The following SLC4A11 variants were observed in gnomAD, a reference collection of about 807,000 sequenced individuals.
The protein encoded by SLC4A11 is solute carrier family 4 member 11.
A neutral mutation model predicts 95.0 loss-of-function variants in SLC4A11; 74 were observed. That is an observed-to-expected ratio of 0.78 (90% confidence interval 0.65 to 0.95). The LOEUF (loss-of-function observed/expected upper bound fraction) is 0.95. Ranked by LOEUF, SLC4A11 falls within the 40% of genes least tolerant of loss-of-function variation. The pLI, the probability that SLC4A11 is intolerant of heterozygous loss-of-function variation, is 0.00. For synonymous variants in SLC4A11, 548 were observed against 519.0 expected (o/e 1.06, Z -0.76); for missense variants, 1,081 against 1,192.4 (o/e 0.91, Z 1.38).
At chr20:3,238,795 G>A in intron 1 of SLC4A11, 1 of 1,146,942 alleles carries the variant, frequency 8.7e-7, no homozygotes, top group Non-Finnish European at 1.1e-6. Flanking sequence ...GCTCCGCCCT[G>A]CCCACTTTCG....
Position 3,230,657 on chromosome 20 carries a change from G to GA in SLC4A11, c.1283-11_1283-10insT, listed in dbSNP as rs1439726919. ...CAGATGACACGAATCACTGCAGGCA[G>GA]GGGGCAGGGCGGGTCAGGGCCCGGC... On this transcript the variant is annotated splice_polypyrimidine_tract_variant and intron_variant, in intron 11 of 19. Transcript: ENST00000642402. The GA allele has an allele frequency of 1.2e-6, 2 of 1,613,140 alleles. No homozygotes were observed. Among genetic ancestry groups the GA allele is most frequent in the Non-Finnish European group, 1.7e-6 (2 of 1,179,850 alleles).
At position 3,234,855 on chromosome 20, in the gene SLC4A11, C is replaced by G; in HGVS notation, c.128G>C (p.Arg43Pro). 1 of 1,614,030 alleles carries G rather than the reference C, an allele frequency of 6.2e-7. No individual in the cohort carries two copies. The highest frequency in any genetic ancestry group is 8.5e-7 in the Non-Finnish European group (1 of 1,180,018). The change falls in exon 3 of 20, where the codon CGA (arginine) becomes CCA (proline). Residue 43 changes from arginine (R) to proline (P), a missense_variant. Physicochemically the swap from Arg to Pro is moderately radical, Grantham distance 103. Around this residue, in one of 3 missense-constraint regions of SLC4A11, gnomAD observed 310 missense variants for 313.5 expected, o/e 0.99. Coordinates refer to ENST00000642402, the MANE Select transcript of SLC4A11 (RefSeq NM_001174089.2). This position sits in a 1 kb window ranked among gnomAD's most constrained non-coding sequence, Gnocchi z 5.8. ...KCDTDDTFEA[R>P]EEILGDEAFD... ...GGCCTCATCCCCCAGGATCTCCTCT[C>G]GGGCTTCGAAGGTGTCATCTGTGTC...
At chr20:3,228,794 C>G (rs777817044) in intron 17 of SLC4A11, 44 bp downstream of exon 17, 6 of 1,613,162 alleles carry the variant, frequency 3.7e-6, no homozygotes, top group Non-Finnish European at 5.1e-6. Flanking sequence ...GCCAGAGGCT[C>G]CCCACTCCTC....
Position 3,233,964 on chromosome 20 carries a change from T to C in SLC4A11, c.562A>G (p.Thr188Ala). ...TGCTGGTACCGCACCCCTGTCACTG[T>C]GGCGGTGACCCCTTGGATGGTATCT... ...LSDTIQGVTA[T>A]VTGVRYQQSW... Residue 188 changes from threonine to alanine, a missense_variant, in exon 6 of 20, where the codon ACA becomes GCA. Thr to Ala is a moderately conservative substitution (Grantham distance 58). Transcript: ENST00000642402. 6.2e-7 allele frequency: 1 copy of C among 1,613,456 alleles called. No individual in the cohort carries two copies.
In SLC4A11 at chr20:3,239,188, T is replaced by C; in HGVS notation, c.-51A>G. On this transcript the variant is annotated 5_prime_UTR_variant, in exon 1 of 20. Coordinates refer to ENST00000642402, the MANE Select transcript of SLC4A11 (RefSeq NM_001174089.2). The stretch of plus-strand genomic sequence containing the variant: ...GCTCCTCACGCGGCGCTCCGGCGCT[T>C]CTGGACCCCAAACTCGGCGACTCGG... 1 of 1,399,384 alleles carries C rather than the reference T, an allele frequency of 7.1e-7. No individual in the cohort carries two copies. Among genetic ancestry groups the C allele is most frequent in the South Asian group, 1.5e-5 (1 of 65,856 alleles). The allele number at this position is 1,399,384 out of a possible 1,614,324, so 86.7% of individuals were successfully genotyped here. A position where few individuals can be genotyped will look rare whatever the true frequency, so the allele number is the denominator to read the frequency against.
intron 1 of SLC4A11, 97 bp from the exon 2 acceptor site, chr20:3,237,685 C>T (rs371461404): frequency 2.5e-6 from 4 of 1,613,984 alleles, no homozygotes; most frequent in Admixed American, 1.7e-5. Flanking sequence ...CTCATTCCTT[C>T]GCTCTTCCGA....
chr20:3,237,522 A>G, intron 2 of SLC4A11, 22 bp downstream of exon 2: 1 of 1,612,530 alleles, frequency 6.2e-7, no homozygotes, highest in Non-Finnish European at 8.5e-7. Flanking sequence ...CTGCACACAC[A>G]CACTCCCCGA....
upstream of SLC4A11, chr20:3,239,227 G>T (rs1389734972): frequency 1.5e-6 from 2 of 1,311,608 alleles, no homozygotes; most frequent in East Asian, 3.3e-5. Context: ...GGCCGGCGGC[G>T]GGAGCCGGCG....
intron 1 of SLC4A11, chr20:3,238,018 T>A (rs1413293280): frequency 6.5e-7 from 1 of 1,540,956 alleles, no homozygotes; most frequent in African/African-American, 1.4e-5. Flanking sequence ...TCTCTGCACA[T>A]CCCTCTTCTC....
rs771516809 is a variant in SLC4A11 at position 3,229,202 on chromosome 20, C to T, written c.1911G>A (p.Leu637=). The T allele has an allele frequency of 4.3e-6, 7 of 1,612,730 alleles. No individual in the cohort carries two copies. In the East Asian group the frequency reaches 1.3e-4, roughly 31 times the overall value. ...TGGCACCGCTGACGGCCCTCAGGGACAGCGACTGGATCTGCGCCATCGCAA... is the reference window on the plus strand; with the variant it reads ...TGGCACCGCTGACGGCCCTCAGGGATAGCGACTGGATCTGCGCCATCGCAA... ...SPFAMAQIQS[L]SLRAVSGAMG... is the part of the protein sequence containing the mutation. The change falls in exon 16 of 20, where the codon CTG becomes CTA. Residue 637 remains leucine, a synonymous_variant. Coordinates refer to ENST00000642402, the MANE Select transcript of SLC4A11 (RefSeq NM_001174089.2).
Position 3,230,751 on chromosome 20 carries a change from G to A in SLC4A11, c.1263C>T (p.Pro421=), listed in dbSNP as rs763430178. The change falls in exon 11 of 20, where the codon CCC becomes CCT. Residue 421 remains proline (P), a synonymous_variant. Transcript: ENST00000642402. ...QPLVILLTTA[P]LALYIQVIRV... is the part of the protein sequence containing the mutation. ...CTGCACCCTGGATGTAGAGCGCCAG[G>A]GGCGCGGTGGTCAGCAGAATCACCA... The A allele has an allele frequency of 3.7e-6, 6 of 1,613,284 alleles. No individual in the cohort carries two copies. In the South Asian group the frequency reaches 5.5e-5, roughly 15 times the overall value.
rs769008834 is a variant in SLC4A11 at position 3,229,669 on chromosome 20, GGAGGCTGGCGTT to G, written c.1585_1596del (p.Asn529_Leu532del). On this transcript the variant is annotated inframe_deletion, in exon 14 of 20. Transcript: ENST00000642402. ...AGGAAGCTGGCGTTGAGGGCAGTGT[GGAGGCTGGCGTT>G]GAGGCTGGCGCCGAGGCCTGACAGG... The G allele has an allele frequency of 1.4e-5, 22 of 1,613,888 alleles. No homozygotes were observed. Among genetic ancestry groups the G allele is most frequent in the East Asian group, 8.9e-5 (4 of 44,858 alleles).
intron 2 of SLC4A11, among the ~76,000 whole-genome samples, chr20:3,237,252 G>A (rs1286541976): frequency 6.6e-6 from 1 of 152,218 alleles, no homozygotes; most frequent in Non-Finnish European, 1.5e-5. Context: ...AGAATTCTTG[G>A]CCCAAGGCTA....
rs372026991 is a variant in SLC4A11 at position 3,227,896 on chromosome 20, A to G, written c.2559-40T>C. The G allele has an allele frequency of 4.4e-6, 7 of 1,597,534 alleles. No homozygotes were observed. The Admixed American group carries it at 5.1e-5, about 12-fold the overall frequency. ...GGACAGGAGGATGAGCCTGGGTCAG[A>G]GAGAAGGCAGTGGACACCCATCCCA... On this transcript the variant is annotated intron_variant, in intron 19 of 19. Transcript: ENST00000642402.
chr20:3,229,317 A>C, intron 15 of SLC4A11, 29 bp downstream of exon 15: 1 of 1,613,018 alleles, frequency 6.2e-7, no homozygotes, highest in East Asian at 2.2e-5. Context: ...GAGCTACCCC[A>C]CGTCACCCAC....
chr20:3,233,754 A>G (rs2122592338), intron 6 of SLC4A11, 117 bp from the exon 7 acceptor site: 3 of 1,548,458 alleles, frequency 1.9e-6, no homozygotes. Context: ...GGAAAAGAAG[A>G]GCAAATGGGA....
chr20:3,237,976 C>T (rs914318879), intron 1 of SLC4A11: 19 of 1,549,972 alleles, frequency 1.2e-5, no homozygotes, highest in African/African-American at 4.1e-5. Context: ...GGGCCTCTCC[C>T]CCTCTCTCCT....
Position 3,229,217 on chromosome 20 carries a change from C to T in SLC4A11, c.1896G>A (p.Ala632=), listed in dbSNP as rs776477379. 5.0e-6 allele frequency: 8 copies of T among 1,612,646 alleles called. No homozygotes were observed. The highest frequency in any genetic ancestry group is 1.3e-5 in the African/African-American group (1 of 74,920). Residue 632 remains alanine (A), a synonymous_variant, in exon 16 of 20, where the codon GCG becomes GCA. Coordinates refer to ENST00000642402, the MANE Select transcript of SLC4A11 (RefSeq NM_001174089.2). ...YNPSESPFAM[A]QIQSLSLRAV... ...CCCTCAGGGACAGCGACTGGATCTG[C>T]GCCATCGCAAAGGGGCTCTCGCTGG... is the stretch of plus-strand genomic sequence containing the variant.
Position 3,234,413 on chromosome 20 carries a change from A to AGCCCCCC in SLC4A11, c.292-100_292-99insGGGGGGC. Reference sequence around the variant, plus strand: ...AGCCAGCCGCAGCAGTCCAGCCCCCAGCCCCCAGCCCCCAGCCCTGGGCTG... The same window carrying AGCCCCCC: ...AGCCAGCCGCAGCAGTCCAGCCCCCAGCCCCCCGCCCCCAGCCCCCAGCCCTGGGCTG... On this transcript the variant is annotated intron_variant, in intron 4 of 19. Coordinates refer to ENST00000642402, the MANE Select transcript of SLC4A11 (RefSeq NM_001174089.2). The surrounding 1 kb of genome is among the most constrained non-coding windows in gnomAD (Gnocchi z 5.8). 1 of 1,475,640 alleles carries AGCCCCCC rather than the reference A, an allele frequency of 6.8e-7. No homozygotes were observed. Among genetic ancestry groups the AGCCCCCC allele is most frequent in the Non-Finnish European group, 9.4e-7 (1 of 1,065,860 alleles). 91.4% of individuals were successfully genotyped at this position (1,475,640 alleles called of 1,614,324 possible). A position where few individuals can be genotyped will look rare whatever the true frequency, so the allele number is the denominator to read the frequency against.
Sources: allele counts gnomAD v4.1 joint callset (sites outside exome capture counted in the v4.1 genomes callset), GRCh38; gene constraint gnomAD v4.1.1; regional missense constraint gnomAD v4.1.1; non-coding constraint Gnocchi (gnomAD v3.1); transcripts MANE v1.5; gene names NCBI Gene and HGNC (gene_info 2026-07-23, HGNC 2026-07-21).